Variants in LAMP3 observed in about 807,000 individuals in gnomAD.
LAMP3 encodes the protein lysosome-associated membrane glycoprotein 3.
A neutral mutation model predicts 34.8 loss-of-function variants in LAMP3; 26 were observed. That is an observed-to-expected ratio of 0.75 (90% CI 0.55 to 1.04). The LOEUF is 1.04. Among genes scored for constraint, LAMP3 ranks in the 50% least tolerant of loss-of-function variants. The pLI, the probability that LAMP3 is intolerant of heterozygous loss-of-function variation, is 0.00. For missense variants in LAMP3, 495 were observed against 524.0 expected (o/e 0.94, Z 0.54); for synonymous variants, 180 against 201.9 (o/e 0.89, Z 0.92).
chr3:183,149,003 T>G (rs1720530513), intron 3 of LAMP3, among the ~76,000 whole-genome samples: 1 of 152,162 alleles, frequency 6.6e-6, no homozygotes, highest in South Asian at 2.1e-4. Context: ...AGAGTACTAT[T>G]CAGCTGTAAA....
At chr3:183,159,137 C>T (rs1720904274) in intron 1 of LAMP3, among the ~76,000 whole-genome samples, 1 of 152,202 alleles carries the variant, frequency 6.6e-6, no homozygotes, top group African/African-American at 2.4e-5. Flanking sequence ...AAGTGATCTG[C>T]CTACCTCAGA....
chr3:183,127,863 G>A (rs1446832523), intron 5 of LAMP3, among the ~76,000 whole-genome samples: 2 of 152,124 alleles, frequency 1.3e-5, no homozygotes, highest in Non-Finnish European at 2.9e-5. Context: ...TGGGCACGGT[G>A]GCTCACGCCT....
intron 3 of LAMP3, among the ~76,000 whole-genome samples, chr3:183,146,676 C>A (rs375482409): frequency 6.6e-6 from 1 of 151,698 alleles, no homozygotes; most frequent in Admixed American, 6.6e-5. Context: ...TACAGGAATG[C>A]GCCACCACGT....
At chr3:183,155,504 C>T (rs1720797701) in intron 1 of LAMP3, among the ~76,000 whole-genome samples, 1 of 152,238 alleles carries the variant, frequency 6.6e-6, no homozygotes, top group Non-Finnish European at 1.5e-5. Flanking sequence ...CTCAGAGCAT[C>T]TTCCTTGTCC....
In LAMP3 at chr3:183,140,663, A is replaced by G. The variant is rs1049915970; in HGVS notation, c.889-68T>C. 9 of 1,082,784 alleles carry G rather than the reference A, an allele frequency of 8.3e-6. No individual in the cohort carries two copies. The African/African-American group carries it at 1.3e-4, about 15-fold the overall frequency. The allele number at this position is 1,082,784 out of a possible 1,614,324, so 67.1% of individuals were successfully genotyped here. A position where few individuals can be genotyped will look rare whatever the true frequency, so the allele number is the denominator to read the frequency against. ...ATATGTTTACAATCTTGGTTTATAA[A>G]CTTTGTTTAAGATTCCAGCTATTAA... On this transcript the variant is annotated intron_variant, in intron 3 of 5. Coordinates refer to ENST00000265598, the MANE Select transcript of LAMP3 (RefSeq NM_014398.4).
intron 5 of LAMP3, chr3:183,132,289 T>A (rs1719948244): frequency 1.1e-6 from 1 of 929,482 alleles, no homozygotes; most frequent in Non-Finnish European, 1.3e-6. Flanking sequence ...TATGTTTTTT[T>A]AAAATAATAG....
chr3:183,137,676 T>C (rs946943926), intron 4 of LAMP3, among the ~76,000 whole-genome samples: 1 of 152,208 alleles, frequency 6.6e-6, no homozygotes, highest in African/African-American at 2.4e-5. Flanking sequence ...AACTGATTAC[T>C]ATTCTTAATA....
At chr3:183,126,161 A>G (rs1344976675) in intron 5 of LAMP3, among the ~76,000 whole-genome samples, 1 of 152,208 alleles carries the variant, frequency 6.6e-6, no homozygotes, top group Non-Finnish European at 1.5e-5. Flanking sequence ...TTATGAGACA[A>G]TTTAAATATA....
intron 3 of LAMP3, among the ~76,000 whole-genome samples, chr3:183,149,574 A>AAAT (rs1720561533): frequency 3.1e-5 from 1 of 32,634 alleles, no homozygotes; most frequent in Non-Finnish European, 5.1e-5. Context: ...AAAAAAAAAA[A>AAAT]ATATATATAT....
chr3:183,153,140 A>C (rs563983498), intron 2 of LAMP3, among the ~76,000 whole-genome samples: 27 of 143,160 alleles, frequency 1.9e-4, no homozygotes, highest in Non-Finnish European at 3.7e-4. Flanking sequence ...GTGCCACTAC[A>C]CTCCAGCCTG....
intron 5 of LAMP3, among the ~76,000 whole-genome samples, chr3:183,128,782 T>C (rs955508150): frequency 6.6e-6 from 1 of 152,134 alleles, no homozygotes; most frequent in African/African-American, 2.4e-5. Flanking sequence ...GCTCAAGCAA[T>C]CCTCCTGCCT....
At chr3:183,135,655 C>G (rs758549848) in intron 5 of LAMP3, 62 bp downstream of exon 5, 4 of 1,469,788 alleles carry the variant, frequency 2.7e-6, no homozygotes, top group Admixed American at 3.5e-5. Flanking sequence ...ACAGAAAACA[C>G]TTTGGATCTA....
At chr3:183,126,019 G>A (rs1209537808) in intron 5 of LAMP3, among the ~76,000 whole-genome samples, 1 of 152,078 alleles carries the variant, frequency 6.6e-6, no homozygotes, top group Non-Finnish European at 1.5e-5. Flanking sequence ...ATTAAAATGA[G>A]TGGGAAAAAA....
At position 183,135,905 on chromosome 3, in the gene LAMP3, A is replaced by C; in HGVS notation, c.947-18T>G. ...AATTGTCTCTGAAAAGGTGACAGATAGATGCATAAGAGTCCTGAGATGTAA... is the reference window on the plus strand; with the variant it reads ...AATTGTCTCTGAAAAGGTGACAGATCGATGCATAAGAGTCCTGAGATGTAA... On this transcript the variant is annotated intron_variant, in intron 4 of 5. Coordinates refer to ENST00000265598, the MANE Select transcript of LAMP3 (RefSeq NM_014398.4). 1 of 1,598,832 alleles carries C rather than the reference A, an allele frequency of 6.3e-7. No homozygotes were observed. The highest frequency in any genetic ancestry group is 1.7e-4 in the Middle Eastern group (1 of 6,028).
intron 5 of LAMP3, among the ~76,000 whole-genome samples, chr3:183,127,096 A>G (rs1445929124): frequency 2.6e-5 from 4 of 152,224 alleles, no homozygotes; most frequent in Admixed American, 2.6e-4. Context: ...TTGAAAGAGT[A>G]GCACTAACAG....
intron 5 of LAMP3, among the ~76,000 whole-genome samples, chr3:183,125,982 G>A (rs920666820): frequency 2.5e-4 from 38 of 151,720 alleles, no homozygotes; most frequent in Non-Finnish European, 4.3e-4. Flanking sequence ...TTTCTTAAAC[G>A]AAAAAAGAAC....
At chr3:183,138,200 T>C (rs1396216018) in intron 4 of LAMP3, among the ~76,000 whole-genome samples, 1 of 152,168 alleles carries the variant, frequency 6.6e-6, no homozygotes, top group African/African-American at 2.4e-5. Flanking sequence ...TTAGCAAATT[T>C]ATGTTAGCAC....
Position 183,144,025 on chromosome 3 carries a change from G to T in LAMP3, c.889-3430C>A, listed in dbSNP as rs145557198. On this transcript the variant is annotated intron_variant, in intron 3 of 5. Coordinates refer to ENST00000265598, the MANE Select transcript of LAMP3 (RefSeq NM_014398.4). ...ATGCCAATAACCATGGGGTCCTAAG[G>T]TCCCCCTGTCCACTTCTGCAAAACA... Among the ~76,000 whole-genome samples the T allele has an allele frequency of 6.6e-3, 1,003 of 152,158 alleles. 8 individuals are homozygous for T. The highest frequency in any genetic ancestry group is 0.01 in the East Asian group (54 of 5,184).
intron 3 of LAMP3, 32 bp from the exon 4 acceptor site, chr3:183,140,627 T>C: frequency 7.6e-7 from 1 of 1,323,900 alleles, no homozygotes; most frequent in Admixed American, 1.7e-5. Flanking sequence ...ACCTTTGGGT[T>C]ATCTCTACTC....
Sources: allele counts gnomAD v4.1 joint callset (sites outside exome capture counted in the v4.1 genomes callset), GRCh38; gene constraint gnomAD v4.1.1; transcripts MANE v1.5; gene names NCBI Gene and HGNC (gene_info 2026-07-23, HGNC 2026-07-21).